The following CNTN5 variants were observed in gnomAD, a reference collection of about 807,000 sequenced individuals.
CNTN5 encodes the protein contactin-5.
A neutral mutation model predicts 129.1 loss-of-function variants in CNTN5; 77 were observed. The observed-to-expected ratio is 0.60, with a 90% CI of 0.50 to 0.72. CNTN5 has a LOEUF of 0.72. Among genes scored for constraint, CNTN5 ranks in the 30% least tolerant of loss-of-function variants. The probability of loss-of-function intolerance (pLI) is 0.00; values close to 1 mark genes in which losing one functional copy is unlikely to be tolerated. For missense variants in CNTN5, 1,478 were observed against 1,328.8 expected, an observed-to-expected ratio of 1.11 and a Z score of -1.75; for synonymous variants, 509 against 465.6, an observed-to-expected ratio of 1.09 and a Z score of -1.20.
intron 8 of CNTN5, among the ~76,000 whole-genome samples, chr11:99,990,926 C>A (rs1939042610): frequency 6.6e-6 from 1 of 152,148 alleles, no homozygotes; most frequent in African/African-American, 2.4e-5. Context: ...CAGAGAAATT[C>A]TGATTGCTTC....
intron 2 of CNTN5, among the ~76,000 whole-genome samples, chr11:99,541,957 A>AT (rs1491403858): frequency 3.0e-5 from 1 of 32,836 alleles, no homozygotes; most frequent in African/African-American, 1.8e-4. Flanking sequence ...ATCTTGTCTC[A>AT]AAAAAAAAAA....
intron 1 of CNTN5, among the ~76,000 whole-genome samples, chr11:99,181,842 A>G (rs1449584970): frequency 6.6e-6 from 1 of 152,048 alleles, no homozygotes; most frequent in Non-Finnish European, 1.5e-5. Context: ...TGTTATTTCT[A>G]TTGGGGCAGA....
At chr11:99,841,025 T>A (rs1947472262) in intron 4 of CNTN5, among the ~76,000 whole-genome samples, 1 of 152,142 alleles carries the variant, frequency 6.6e-6, no homozygotes. Context: ...TTTCCCCCCC[T>A]TAACATGAAT....
In CNTN5 at chr11:99,334,160, A is replaced by G. The variant is rs527864666; in HGVS notation, c.-71+8676A>G. On this transcript the variant is annotated intron_variant, in intron 2 of 24. Coordinates refer to ENST00000524871, the MANE Select transcript of CNTN5 (RefSeq NM_014361.4). ...ACATCTCAGACTCTCACTCACAAATACACAGGCATCTTTGAAAGCAATTCA... is the reference window on the plus strand; with the variant it reads ...ACATCTCAGACTCTCACTCACAAATGCACAGGCATCTTTGAAAGCAATTCA... Among the ~76,000 whole-genome samples the G allele has an allele frequency of 4.6e-5, 7 of 152,154 alleles. No homozygotes were observed. In the South Asian group the frequency reaches 1.5e-3, roughly 32 times the overall value.
At chr11:100,104,121 G>T (rs117470115) in intron 13 of CNTN5, among the ~76,000 whole-genome samples, 13,640 of 142,706 alleles carry the variant, frequency 0.096, 790 homozygotes, top group Admixed American at 0.13. Flanking sequence ...TTGAGGCAGA[G>T]TCTTTCTCTG....
chr11:99,384,753 T>TA (rs1354065043), intron 2 of CNTN5, among the ~76,000 whole-genome samples: 12 of 152,160 alleles, frequency 7.9e-5, no homozygotes, highest in Non-Finnish European at 1.6e-4. Flanking sequence ...TGTTTGCTTT[T>TA]AAAAAAATTA....
chr11:100,356,003 C>T, intron 24 of CNTN5, 114 bp from the exon 25 acceptor site: 1 of 682,730 alleles, frequency 1.5e-6, no homozygotes, highest in Non-Finnish European at 2.6e-6. Context: ...AGAACACTCT[C>T]ATCAGAAACA....
chr11:99,236,495 CACAGAG>C (rs1462178587), intron 1 of CNTN5, among the ~76,000 whole-genome samples: 20 of 126,108 alleles, frequency 1.6e-4, no homozygotes, highest in African/African-American at 6.2e-4. Flanking sequence ...CACACACACA[CACAGAG>C]AGAGAGAGAG....
intron 1 of CNTN5, among the ~76,000 whole-genome samples, chr11:99,156,770 A>C (rs1860355010): frequency 6.6e-6 from 1 of 152,010 alleles, no homozygotes; most frequent in Non-Finnish European, 1.5e-5. Flanking sequence ...ATATGTCTAC[A>C]CATATAGTTT....
intron 1 of CNTN5, among the ~76,000 whole-genome samples, chr11:99,281,592 T>G (rs2135889915): frequency 6.6e-6 from 1 of 152,106 alleles, no homozygotes; most frequent in Middle Eastern, 3.4e-3. Flanking sequence ...CTGCTTTCAT[T>G]TATGAAACTC....
intron 1 of CNTN5, among the ~76,000 whole-genome samples, chr11:99,095,731 A>C (rs560570452): frequency 4.6e-5 from 7 of 151,978 alleles, no homozygotes; most frequent in African/African-American, 1.7e-4. Flanking sequence ...TAACAAATGA[A>C]ATTGGGACTG....
chr11:99,836,936 G>A (rs1947326310), intron 4 of CNTN5, among the ~76,000 whole-genome samples: 1 of 152,164 alleles, frequency 6.6e-6, no homozygotes, highest in South Asian at 2.1e-4. Context: ...AAAATGTCAT[G>A]GTGCTGGTGG....
At chr11:99,544,678 A>G (rs1428796932) in intron 2 of CNTN5, among the ~76,000 whole-genome samples, 1 of 152,196 alleles carries the variant, frequency 6.6e-6, no homozygotes, top group Admixed American at 6.5e-5. Flanking sequence ...GAGTTAATGA[A>G]ATCAGGTAAC....
intron 1 of CNTN5, among the ~76,000 whole-genome samples, chr11:99,085,879 T>TTGCAACA (rs1409624740): frequency 1.3e-5 from 2 of 152,150 alleles, no homozygotes; most frequent in African/African-American, 4.8e-5. Context: ...TTGCACAATG[T>TTGCAACA]ATTACCTTTT....
chr11:99,211,162 T>G (rs988238771), intron 1 of CNTN5, among the ~76,000 whole-genome samples: 1 of 152,114 alleles, frequency 6.6e-6, no homozygotes, highest in Admixed American at 6.6e-5. Flanking sequence ...TTTTATTATC[T>G]TGGTAATTTT....
chr11:99,566,187 C>A (rs1225220318), intron 3 of CNTN5, among the ~76,000 whole-genome samples: 4 of 151,964 alleles, frequency 2.6e-5, no homozygotes, highest in Admixed American at 1.3e-4. Context: ...GTTCTCACTC[C>A]GAATAACGTG....
At chr11:100,042,149 A>G (rs1227723682) in intron 9 of CNTN5, among the ~76,000 whole-genome samples, 1 of 151,828 alleles carries the variant, frequency 6.6e-6, no homozygotes, top group Non-Finnish European at 1.5e-5. Flanking sequence ...TCAAAGAAAA[A>G]TTTTGCCTTC....
At chr11:99,213,911 A>G (rs764435153) in intron 1 of CNTN5, among the ~76,000 whole-genome samples, 1 of 152,142 alleles carries the variant, frequency 6.6e-6, no homozygotes, top group Non-Finnish European at 1.5e-5. Flanking sequence ...TATTTTGAGA[A>G]CAAATTTGGG....
At chr11:100,031,201 A>G (rs1264572401) in intron 9 of CNTN5, among the ~76,000 whole-genome samples, 1 of 152,216 alleles carries the variant, frequency 6.6e-6, no homozygotes, top group East Asian at 1.9e-4. Context: ...GAACTTCTAT[A>G]TCACACGAAA....
Sources: allele counts gnomAD v4.1 joint callset (sites outside exome capture counted in the v4.1 genomes callset), GRCh38; gene constraint gnomAD v4.1.1; transcripts MANE v1.5; gene names NCBI Gene and HGNC (gene_info 2026-07-23, HGNC 2026-07-21).